The following POMGNT1 variants were observed in gnomAD, a reference collection of about 807,000 sequenced individuals.
POMGNT1 encodes the protein protein O-linked-mannose beta-1,2-N-acetylglucosaminyltransferase 1.
POMGNT1 carries 67 observed loss-of-function variants against 95.6 expected under a neutral mutation model. That is an observed-to-expected ratio of 0.70 (90% confidence interval 0.58 to 0.86). The LOEUF (loss-of-function observed/expected upper bound fraction) is 0.86. POMGNT1 is among the 40% of genes least tolerant of loss of function. POMGNT1 has a pLI of 0.00. For missense variants in POMGNT1, 719 were observed against 855.2 expected (o/e 0.84, Z 1.99); for synonymous variants, 298 against 317.9 (o/e 0.94, Z 0.66).
upstream of POMGNT1, among the ~76,000 whole-genome samples, chr1:46,201,719 AAAG>A (rs1658540224): frequency 1.3e-5 from 2 of 150,352 alleles, no homozygotes; most frequent in African/African-American, 5.0e-5. Flanking sequence ...AAAAAAGAAA[AAAG>A]AAAGAAAAGA....
intron 1 of POMGNT1, among the ~76,000 whole-genome samples, chr1:46,209,915 G>A (rs1437554418): frequency 1.3e-5 from 2 of 152,124 alleles, no homozygotes; most frequent in Non-Finnish European, 2.9e-5. Flanking sequence ...TTTAGTATGA[G>A]GAGCTTTGTT....
At position 46,189,229 on chromosome 1, in the gene POMGNT1, G is replaced by C; in HGVS notation, c.*41C>G. The C allele has an allele frequency of 6.3e-7, 1 of 1,595,210 alleles. No homozygotes were observed. Among genetic ancestry groups the C allele is most frequent in the Non-Finnish European group, 8.5e-7 (1 of 1,172,692 alleles). ...TGGAGGGAAGGGCTAGCCAGCCTGG[G>C]GGTACACAGTACCCAGCCCCGCAGG... On this transcript the variant is annotated 3_prime_UTR_variant, in exon 22 of 22. Coordinates refer to ENST00000371984, the MANE Select transcript of POMGNT1 (RefSeq NM_017739.4).
Position 46,196,596 on chromosome 1 carries a change from G to T in POMGNT1, c.354+135C>A, listed in dbSNP as rs1250948824. 1 of 1,538,972 alleles carries T rather than the reference G, an allele frequency of 6.5e-7. No individual in the cohort carries two copies. The highest frequency in any genetic ancestry group is 8.8e-7 in the Non-Finnish European group (1 of 1,138,212). On this transcript the variant is annotated intron_variant, in intron 4 of 21. Transcript: ENST00000371984. This position sits in a 1 kb window ranked among gnomAD's most constrained non-coding sequence, Gnocchi z 4.4. ...TCATTAGTCCCAGTCTATAGATAAG[G>T]AATCGAGGACTCCAAAGTCACACAG...
upstream of POMGNT1, among the ~76,000 whole-genome samples, chr1:46,199,734 A>G (rs1432997474): frequency 6.6e-6 from 1 of 152,228 alleles, no homozygotes; most frequent in Non-Finnish European, 1.5e-5. Context: ...AGCTTTCTGT[A>G]TTCCATCTGC....
chr1:46,192,642 C>T, intron 14 of POMGNT1, 52 bp from the exon 15 acceptor site: 1 of 1,609,126 alleles, frequency 6.2e-7, no homozygotes, highest in South Asian at 1.1e-5. Context: ...TAAATCTAGT[C>T]ACACAGAGAT....
intron 8 of POMGNT1, 55 bp from the exon 9 acceptor site, chr1:46,194,456 C>T: frequency 6.2e-7 from 1 of 1,614,058 alleles, no homozygotes; most frequent in Non-Finnish European, 8.5e-7. Context: ...GTTTGAAGAG[C>T]CCCAGGCACA....
Position 46,194,324 on chromosome 1 carries a change from T to C in POMGNT1, c.829A>G (p.Ser277Gly), listed in dbSNP as rs1658036539. The part of the protein sequence containing the change: ...RFCSKVEGYG[S>G]VCSCKDPTPI... ...GTGGGGTCCTTGCAGCTGCATACAC[T>C]TCCATAGCCCTCAACTTTGCTGCAG... Residue 277 changes from serine to glycine, a missense_variant, in exon 9 of 22, where the codon AGT (serine) becomes GGT (glycine). Physicochemically the swap from Ser to Gly is moderately conservative, Grantham distance 56 (BLOSUM62 0). Around this residue, in one of 5 missense-constraint regions of POMGNT1, gnomAD observed 466 missense variants for 517.4 expected, o/e 0.90. Coordinates refer to ENST00000371984, the MANE Select transcript of POMGNT1 (RefSeq NM_017739.4). 1 of 1,614,160 alleles carries C rather than the reference T, an allele frequency of 6.2e-7. No homozygotes were observed. Among genetic ancestry groups the C allele is most frequent in the Non-Finnish European group, 8.5e-7 (1 of 1,180,022 alleles).
At position 46,196,795 on chromosome 1, in the gene POMGNT1, C is replaced by T. The variant is rs772757476; in HGVS notation, c.290G>A (p.Arg97Gln). ...TGAATACACCTCTACGTCCAGGACC[C>T]GCCGGGGACCACTGCCTCTGCGCCG... The part of the protein sequence containing the change: ...PPRRRGSGPR[R>Q]VLDVEVYSSR... Residue 97 changes from arginine to glutamine, a missense_variant, in exon 4 of 22, where the codon CGG becomes CAG. Transcript: ENST00000371984. This position sits in a 1 kb window ranked among gnomAD's most constrained non-coding sequence, Gnocchi z 4.4. 6.2e-6 allele frequency: 10 copies of T among 1,614,206 alleles called. No homozygotes were observed. Among genetic ancestry groups the T allele is most frequent in the Middle Eastern group, 1.6e-4 (1 of 6,062 alleles).
intron 8 of POMGNT1, 24 bp downstream of exon 8, chr1:46,194,529 C>T: frequency 6.2e-7 from 1 of 1,614,174 alleles, no homozygotes; most frequent in African/African-American, 1.3e-5. Context: ...AGGCCCTGCC[C>T]CATCCATGCT....
Position 46,196,601 on chromosome 1 carries a change from G to A in POMGNT1, c.354+130C>T, listed in dbSNP as rs576928805. On this transcript the variant is annotated intron_variant, in intron 4 of 21. Coordinates refer to ENST00000371984, the MANE Select transcript of POMGNT1 (RefSeq NM_017739.4). The surrounding 1 kb of genome is among the most constrained non-coding windows in gnomAD (Gnocchi z 4.4). ...AGTCCCAGTCTATAGATAAGGAATC[G>A]AGGACTCCAAAGTCACACAGCTAGA... 3.1e-5 allele frequency: 49 copies of A among 1,559,018 alleles called. No individual in the cohort carries two copies. In the East Asian group the frequency reaches 6.4e-4, roughly 20 times the overall value.
chr1:46,201,280 G>A (rs1389227239), upstream of POMGNT1, among the ~76,000 whole-genome samples: 2 of 152,138 alleles, frequency 1.3e-5, no homozygotes, highest in Non-Finnish European at 2.9e-5. Flanking sequence ...GGGAGGCTAA[G>A]GTGGGAGGAT....
At chr1:46,202,771 A>G (rs1030230280), upstream of POMGNT1, among the ~76,000 whole-genome samples, 1 of 150,672 alleles carries the variant, frequency 6.6e-6, no homozygotes. Flanking sequence ...CAGAACCTAC[A>G]TTTTAACAAG....
At chr1:46,215,084 G>A (rs1659023656) in intron 1 of POMGNT1, among the ~76,000 whole-genome samples, 1 of 151,862 alleles carries the variant, frequency 6.6e-6, no homozygotes, top group Non-Finnish European at 1.5e-5. Flanking sequence ...AAATTAGCCG[G>A]GTGTGGTGGT....
At chr1:46,220,146 G>T in exon 1 of POMGNT1, 1 of 1,614,202 alleles carries the variant, frequency 6.2e-7, no homozygotes, top group Non-Finnish European at 8.5e-7. Context: ...GTCACCAGAG[G>T]ATGAGAGTGC....
chr1:46,190,998 C>T (rs1050703286), intron 17 of POMGNT1: 3 of 550,452 alleles, frequency 5.5e-6, no homozygotes, highest in South Asian at 3.5e-5. Flanking sequence ...AGAGCTCATG[C>T]TGTCACGGCA....
intron 1 of POMGNT1, 134 bp from the exon 2 acceptor site, chr1:46,198,005 C>T: frequency 1.2e-6 from 1 of 848,534 alleles, no homozygotes; most frequent in Non-Finnish European, 1.8e-6. Context: ...GAAAGTGGCT[C>T]AACTTCTCTG....
Position 46,194,877 on chromosome 1 carries a change from TCCAGC to T in POMGNT1, c.614_618del (p.Gly205GlufsTer21), listed in dbSNP as rs1382096049. On this transcript the variant is annotated frameshift_variant, in exon 7 of 22. Transcript: ENST00000371984. LOFTEE classifies it high-confidence loss of function. ...CGTCCCACGAAGGCCCATGTGTCCC[TCCAGC>T]CCAGGGCAGGGCCAGCCTGGCTGCC... 1.2e-6 allele frequency: 2 copies of T among 1,613,834 alleles called. No homozygotes were observed. Among genetic ancestry groups the T allele is most frequent in the African/African-American group, 2.7e-5 (2 of 74,858 alleles).
At chr1:46,203,600 G>A (rs570474263) in intron 1 of POMGNT1, 5 of 1,597,678 alleles carry the variant, frequency 3.1e-6, no homozygotes, top group Middle Eastern at 1.7e-4. Context: ...TGGGGGACAA[G>A]ATCATGGCGC....
At chr1:46,201,607 G>A (rs542306682), upstream of POMGNT1, among the ~76,000 whole-genome samples, 7 of 150,858 alleles carry the variant, frequency 4.6e-5, no homozygotes, top group African/African-American at 1.7e-4. Context: ...GCTGAGGCAG[G>A]AGAATCGCTT....
Sources: gnomAD v4.1 joint callset for allele counts (sites outside exome capture counted in the v4.1 genomes callset) on GRCh38, gnomAD v4.1.1 for gene constraint, gnomAD v4.1.1 regional missense constraint, Gnocchi (gnomAD v3.1) non-coding constraint, MANE v1.5 for transcripts, NCBI Gene and HGNC (gene_info 2026-07-23, HGNC 2026-07-21) for gene names.